TYR: variants seen among roughly 807,000 people sequenced by gnomAD.
TYR encodes tyrosinase, also known as LB24-AB.
In TYR, 58 loss-of-function variants were observed where a neutral mutation model predicts 51.5. The observed-to-expected ratio is 1.13, with a 90% CI of 0.91 to 1.40. The LOEUF is 1.40. Among genes scored for constraint, TYR ranks in the 40% most tolerant of loss-of-function variants. The probability of loss-of-function intolerance (pLI) is 0.00; values close to 1 mark genes in which losing one functional copy is unlikely to be tolerated. For missense variants in TYR, 732 were observed against 647.4 expected (o/e 1.13, Z -1.42); for synonymous variants, 263 against 235.2 (o/e 1.12, Z -1.08).
intron 2 of TYR, among the ~76,000 whole-genome samples, chr11:89,217,938 C>T (rs1451153817): frequency 6.6e-6 from 1 of 151,768 alleles, no homozygotes; most frequent in Admixed American, 6.6e-5. Context: ...TTTATTATTC[C>T]ATGTTTTATG....
chr11:89,217,819 G>A lies in TYR; in HGVS notation c.1037-10004G>A, dbSNP rs142038387. Among the ~76,000 whole-genome samples, 325 of 152,098 alleles carry A rather than the reference G, an allele frequency of 2.1e-3. 15 individuals carry two copies. The East Asian group carries it at 0.054, about 25-fold the overall frequency. On this transcript the variant is annotated intron_variant, in intron 2 of 4. Coordinates refer to ENST00000263321, the MANE Select transcript of TYR (RefSeq NM_000372.5). ...CATTGCTTGCTGCCCTACTCTTTCT[G>A]AAATAGTTTCCCATGTTATCCCATT...
rs1454741972 is a variant in TYR, at chr11:89,288,247, T to G, written c.1366+3293T>G. On this transcript the variant is annotated intron_variant, in intron 4 of 4. Coordinates refer to ENST00000263321, the MANE Select transcript of TYR (RefSeq NM_000372.5). ...TTAAAACCCCATGGAAGGGTGATTT[T>G]TATTCTGTTTTACAGGTAAGTAAAT... Among the ~76,000 whole-genome samples the G allele has an allele frequency of 2.6e-5, 4 of 151,962 alleles. No homozygotes were observed. The East Asian group carries it at 7.7e-4, about 29-fold the overall frequency.
chr11:89,285,090 T>C lies in TYR; in HGVS notation c.1366+136T>C. The C allele has an allele frequency of 1.1e-5, 8 of 751,096 alleles. No individual in the cohort carries two copies. In the South Asian group the frequency reaches 1.4e-4, roughly 13 times the overall value. 46.5% of individuals were successfully genotyped at this position (751,096 alleles called of 1,614,324 possible). On this transcript the variant is annotated intron_variant, in intron 4 of 4. Transcript: ENST00000263321. ...CTGAAAGTGCATTATAATCCTTAAT[T>C]TATTACCAGTTTATTATCACAGGAA...
intron 3 of TYR, among the ~76,000 whole-genome samples, chr11:89,244,971 G>T (rs1944245626): frequency 6.6e-6 from 1 of 152,198 alleles, no homozygotes; most frequent in Non-Finnish European, 1.5e-5. Context: ...GAGAAAAAGA[G>T]CACCAAAGAA....
At chr11:89,238,733 T>C (rs1445671929) in intron 3 of TYR, among the ~76,000 whole-genome samples, 1 of 152,306 alleles carries the variant, frequency 6.6e-6, no homozygotes, top group South Asian at 2.1e-4. Flanking sequence ...TTGTCATATA[T>C]GCAAACTTTA....
chr11:89,252,312 T>G (rs1332231941), intron 3 of TYR, among the ~76,000 whole-genome samples: 2 of 151,702 alleles, frequency 1.3e-5, no homozygotes, highest in African/African-American at 4.8e-5. Context: ...AAAAATAAAT[T>G]AAAACAGGAG....
intron 2 of TYR, among the ~76,000 whole-genome samples, chr11:89,198,269 A>C (rs180813200): frequency 3.5e-4 from 54 of 152,266 alleles, no homozygotes; most frequent in Middle Eastern, 3.4e-3. Flanking sequence ...AATTCATTTG[A>C]CACTAATTGT....
rs185678419 is a variant in TYR, at chr11:89,233,271, C to T, written c.1184+5301C>T. 4.8e-3 allele frequency among the ~76,000 whole-genome samples: 677 copies of T among 142,122 alleles called. 129 individuals carry two copies. Among genetic ancestry groups the T allele is most frequent in the African/African-American group, 0.018 (650 of 35,842 alleles). The allele number at this position is 142,122 out of a possible 152,430, so 93.2% of individuals were successfully genotyped here. On this transcript the variant is annotated intron_variant, in intron 3 of 4. Transcript: ENST00000263321. ...GTGTTCAAGTTTTATCATGAGATTG[C>T]CACAATTCACTCATACCTTTAGGCT...
intron 3 of TYR, among the ~76,000 whole-genome samples, chr11:89,254,643 T>C (rs1028540265): frequency 6.6e-6 from 1 of 151,902 alleles, no homozygotes; most frequent in Non-Finnish European, 1.5e-5. Context: ...AATGATCTTT[T>C]GTATTTCTGT....
chr11:89,185,576 T>G (rs1591138849), intron 1 of TYR, among the ~76,000 whole-genome samples: 1 of 152,100 alleles, frequency 6.6e-6, no homozygotes, highest in Non-Finnish European at 1.5e-5. Flanking sequence ...TAACAATCAT[T>G]GTTTATTAGA....
At chr11:89,227,998 G>T (rs780483116) in intron 3 of TYR, 28 bp downstream of exon 3, 2 of 1,611,178 alleles carry the variant, frequency 1.2e-6, no homozygotes, top group Non-Finnish European at 1.7e-6. Context: ...TATAAATAAC[G>T]TGCTCATTGG....
rs1479416089 is a variant in TYR, at chr11:89,233,747, G to T, written c.1184+5777G>T. The stretch of plus-strand genomic sequence containing the variant: ...TTTTGAATGGAATTGTTTTTCCAGG[G>T]AGTTGGTCTCAGCAATGGGCTTAAA... On this transcript the variant is annotated intron_variant, in intron 3 of 4. Coordinates refer to ENST00000263321, the MANE Select transcript of TYR (RefSeq NM_000372.5). 1.4e-5 allele frequency among the ~76,000 whole-genome samples: 2 copies of T among 142,536 alleles called. 1 individual carries two copies. Among genetic ancestry groups the T allele is most frequent in the African/African-American group, 5.6e-5 (2 of 35,922 alleles). 93.5% of individuals were successfully genotyped at this position (142,536 alleles called of 152,430 possible).
At chr11:89,239,503 A>T (rs1944163789) in intron 3 of TYR, among the ~76,000 whole-genome samples, 1 of 151,936 alleles carries the variant, frequency 6.6e-6, no homozygotes, top group Admixed American at 6.6e-5. Context: ...CCTTGTTAAA[A>T]ACCAACTCTT....
intron 2 of TYR, among the ~76,000 whole-genome samples, chr11:89,216,647 C>CAAAAAAAAAAAAAAAAAAAAAAA (rs11411684): frequency 5.0e-5 from 4 of 80,794 alleles, no homozygotes; most frequent in Non-Finnish European, 9.5e-5. Context: ...TTTTCCATCT[C>CAAAAAAAAAAAAAAAAAAAAAAA]AAAAAAAAAA....
At chr11:89,180,516 C>A (rs1487958112) in intron 1 of TYR, among the ~76,000 whole-genome samples, 2 of 151,560 alleles carry the variant, frequency 1.3e-5, no homozygotes, top group Admixed American at 1.3e-4. Flanking sequence ...TTTCCTTTTT[C>A]TCTCTTCATG....
chr11:89,191,996 C>A, intron 2 of TYR: 1 of 448,662 alleles, frequency 2.2e-6, no homozygotes, highest in Non-Finnish European at 4.5e-6. Flanking sequence ...TTAGTTTTCT[C>A]CTGTTTAAAA....
chr11:89,239,754 C>T (rs1944167380), intron 3 of TYR, among the ~76,000 whole-genome samples: 1 of 152,052 alleles, frequency 6.6e-6, no homozygotes, highest in African/African-American at 2.4e-5. Flanking sequence ...ATTTTCTCTT[C>T]TCTAAAGGTT....
chr11:89,222,438 G>A (rs1943924008), intron 2 of TYR, among the ~76,000 whole-genome samples: 1 of 152,108 alleles, frequency 6.6e-6, no homozygotes, highest in African/African-American at 2.4e-5. Context: ...TCAACTAGTT[G>A]CAATTTTCTA....
rs76552752 is a variant in TYR, at chr11:89,290,409, G to A, written c.1367-4734G>A. Among the ~76,000 whole-genome samples the A allele has an allele frequency of 6.3e-3, 956 of 152,152 alleles. 9 individuals carry two copies. Among genetic ancestry groups the A allele is most frequent in the Non-Finnish European group, 8.4e-3 (569 of 67,962 alleles). ...GACATAGAAATAGTATTTAAAAGCT[G>A]TGAAAGCACTTCAGCCAAGCCTTTA... is the stretch of plus-strand genomic sequence containing the variant. On this transcript the variant is annotated intron_variant, in intron 4 of 4. Coordinates refer to ENST00000263321, the MANE Select transcript of TYR (RefSeq NM_000372.5).
Sources: gnomAD v4.1 joint callset for allele counts (sites outside exome capture counted in the v4.1 genomes callset) on GRCh38, gnomAD v4.1.1 for gene constraint, MANE v1.5 for transcripts, NCBI Gene and HGNC (gene_info 2026-07-23, HGNC 2026-07-21) for gene names.